CEP120: variants seen among roughly 807,000 people sequenced by gnomAD.
CEP120 encodes the protein centrosomal protein 120.
CEP120 carries 113 observed loss-of-function variants against 126.5 expected under a neutral mutation model. The observed-to-expected ratio is 0.89, with a 90% confidence interval of 0.77 to 1.04. The LOEUF (loss-of-function observed/expected upper bound fraction) is 1.04, where lower values mean the gene tolerates loss of function less well. Ranked by LOEUF, CEP120 falls within the 50% of genes least tolerant of loss-of-function variation. CEP120 has a pLI of 0.00. For missense variants in CEP120, 1,230 were observed against 1,155.7 expected, an observed-to-expected ratio of 1.06 and a Z score of -0.93; for synonymous variants, 400 against 394.3, an observed-to-expected ratio of 1.01 and a Z score of -0.17.
At chr5:123,377,572 G>A in intron 15 of CEP120, 37 bp from the exon 16 acceptor site, 1 of 1,512,146 alleles carries the variant, frequency 6.6e-7, no homozygotes, top group East Asian at 2.3e-5. Context: ...TTGGTTTATT[G>A]CTAGCTGCAT....
chr5:123,388,347 G>C (rs1432426555), intron 9 of CEP120, 85 bp downstream of exon 9: 7 of 891,148 alleles, frequency 7.9e-6, no homozygotes, highest in Non-Finnish European at 1.1e-5. Flanking sequence ...AACTTCTTTG[G>C]TGACATTTCT....
At chr5:123,356,693 TAACAG>T (rs1422075079) in intron 18 of CEP120, among the ~76,000 whole-genome samples, 1 of 152,072 alleles carries the variant, frequency 6.6e-6, no homozygotes, top group Non-Finnish European at 1.5e-5. Context: ...ATCCCTCAAT[TAACAG>T]AACCTAATTA....
chr5:123,373,392 G>A (rs1279789269), intron 16 of CEP120, among the ~76,000 whole-genome samples: 3 of 152,030 alleles, frequency 2.0e-5, no homozygotes, highest in South Asian at 2.1e-4. Context: ...AGGAGTGACC[G>A]GGAGATCCAG....
intron 14 of CEP120, among the ~76,000 whole-genome samples, chr5:123,380,594 A>C (rs891649350): frequency 4.6e-5 from 7 of 152,108 alleles, no homozygotes; most frequent in African/African-American, 1.7e-4. Flanking sequence ...TTTCACAGAA[A>C]GTTTAATTAT....
chr5:123,372,116 G>A (rs1007385787), intron 17 of CEP120, among the ~76,000 whole-genome samples: 3 of 152,056 alleles, frequency 2.0e-5, no homozygotes, highest in African/African-American at 7.2e-5. Context: ...CTTCTTCCTA[G>A]CTGAGAGCTA....
intron 18 of CEP120, among the ~76,000 whole-genome samples, chr5:123,356,138 T>G (rs747605810): frequency 1.3e-5 from 2 of 152,162 alleles, no homozygotes; most frequent in Non-Finnish European, 1.5e-5. Flanking sequence ...TTGGTCTATA[T>G]CTCTGTTTTG....
Position 123,353,510 on chromosome 5 carries a change from T to TA in CEP120, c.2581-3422dup, listed in dbSNP as rs200281449. Among the ~76,000 whole-genome samples, 461 of 76,024 alleles carry TA rather than the reference T, an allele frequency of 6.1e-3. 4 individuals carry two copies. Among genetic ancestry groups the TA allele is most frequent in the African/African-American group, 0.022 (431 of 19,206 alleles). 49.9% of individuals were successfully genotyped at this position (76,024 alleles called of 152,430 possible). A position where few individuals can be genotyped will look rare whatever the true frequency, so the allele number is the denominator to read the frequency against. Reference sequence around the variant, plus strand: ...AGGATCAAGGTTATGCTAGTCTCATTAAAAAAAAAGTAAGCATTTTTCACT... The same window carrying TA: ...AGGATCAAGGTTATGCTAGTCTCATTAAAAAAAAAAGTAAGCATTTTTCACT... On this transcript the variant is annotated intron_variant, in intron 18 of 19. Coordinates refer to ENST00000306467, the MANE Select transcript of CEP120 (RefSeq NM_001375405.1).
chr5:123,385,215 A>C, intron 10 of CEP120, 82 bp from the exon 11 acceptor site: 2 of 1,143,502 alleles, frequency 1.7e-6, no homozygotes, highest in Non-Finnish European at 2.4e-6. Flanking sequence ...GAATTCCCTC[A>C]ATGGAGTCAA....
At chr5:123,391,428 C>T (rs1381976065) in intron 6 of CEP120, 91 bp from the exon 7 acceptor site, 2 of 1,006,130 alleles carry the variant, frequency 2.0e-6, no homozygotes, top group Non-Finnish European at 3.0e-6. Flanking sequence ...TAAAATGATG[C>T]ATGGAAAGAA....
chr5:123,348,020 C>A (rs1189692474), intron 19 of CEP120, among the ~76,000 whole-genome samples: 3 of 152,094 alleles, frequency 2.0e-5, no homozygotes, highest in Non-Finnish European at 4.4e-5. Context: ...AGGTGATTTA[C>A]CAGTACTGAA....
chr5:123,389,881 G>T, intron 8 of CEP120, 43 bp downstream of exon 8: 1 of 1,513,714 alleles, frequency 6.6e-7, no homozygotes, highest in Non-Finnish European at 9.1e-7. Context: ...GCTGCAAAAT[G>T]CAATACCTCA....
chr5:123,404,871 C>T (rs556536685), intron 4 of CEP120, among the ~76,000 whole-genome samples: 2 of 152,268 alleles, frequency 1.3e-5, no homozygotes, highest in Admixed American at 1.3e-4. Context: ...CACCTTCTTC[C>T]TCTACAGAAA....
chr5:123,415,173 G>C (rs6595448), intron 3 of CEP120, among the ~76,000 whole-genome samples: 65,553 of 151,794 alleles, frequency 0.43, 14,118 homozygotes, highest in East Asian at 0.47. Context: ...GCAAGGAGCA[G>C]GAAGCAGGGA....
rs71223059 is a variant in CEP120, at chr5:123,370,685, G to GTATA, written c.2481+1961_2481+1964dup. ...TATATACATATATGTGTGTGTGTGT[G>GTATA]TATATATATATACACATATATACCT... On this transcript the variant is annotated intron_variant, in intron 17 of 19. Coordinates refer to ENST00000306467, the MANE Select transcript of CEP120 (RefSeq NM_001375405.1). Among the ~76,000 whole-genome samples the GTATA allele has an allele frequency of 3.5e-3, 511 of 146,086 alleles. 7 individuals are homozygous for GTATA. The highest frequency in any genetic ancestry group is 5.1e-3 in the Admixed American group (74 of 14,476).
At chr5:123,415,743 T>C (rs760753596) in intron 3 of CEP120, among the ~76,000 whole-genome samples, 2 of 152,060 alleles carry the variant, frequency 1.3e-5, no homozygotes, top group Admixed American at 1.3e-4. Context: ...TGGTGGTGAG[T>C]GCCTGTAATC....
At chr5:123,359,547 A>G (rs919490076) in intron 18 of CEP120, among the ~76,000 whole-genome samples, 1 of 152,060 alleles carries the variant, frequency 6.6e-6, no homozygotes, top group South Asian at 2.1e-4. Flanking sequence ...TTTCTATAGT[A>G]TATCTTGAAG....
chr5:123,412,503 G>C lies in CEP120; in HGVS notation c.359C>G (p.Thr120Ser). The C allele has an allele frequency of 6.2e-7, 1 of 1,610,816 alleles. No individual in the cohort carries two copies. ...TATCTGTATCTCAGACTTGAATTTG[G>C]TGTATTTATTACTCAGCAACTGGTA... is the stretch of plus-strand genomic sequence containing the variant. The part of the protein sequence containing the change: ...KWYQLLSNKY[T>S]KFKSEIQISI... Residue 120 changes from threonine to serine, a missense_variant, in exon 4 of 20, where the codon ACC becomes AGC. By Grantham distance (58) the Thr-to-Ser change is moderately conservative. Transcript: ENST00000306467.
chr5:123,384,874 G>A, intron 11 of CEP120, 77 bp downstream of exon 11: 2 of 1,244,118 alleles, frequency 1.6e-6, no homozygotes, highest in East Asian at 4.8e-5. Flanking sequence ...ATGGAAGGGT[G>A]AAGTGGTGGC....
intron 18 of CEP120, among the ~76,000 whole-genome samples, chr5:123,355,695 T>A (rs1769554600): frequency 6.6e-6 from 1 of 152,006 alleles, no homozygotes. Context: ...CTTTGTCAGA[T>A]GAGTAGGTTG....
Sources: allele counts gnomAD v4.1 joint callset (sites outside exome capture counted in the v4.1 genomes callset), GRCh38; gene constraint gnomAD v4.1.1; transcripts MANE v1.5; gene names NCBI Gene and HGNC (gene_info 2026-07-23, HGNC 2026-07-21).